SERPINE2: variants seen among roughly 807,000 people sequenced by gnomAD.
The protein encoded by SERPINE2 is serpin family E member 2.
In SERPINE2, 14 loss-of-function variants were observed where a neutral mutation model predicts 36.3. That is an observed-to-expected ratio of 0.39 (90% CI 0.25 to 0.60). The LOEUF (loss-of-function observed/expected upper bound fraction) is 0.60. SERPINE2 is among the 20% of genes least tolerant of loss of function. The pLI is 0.57. For missense variants in SERPINE2, 418 were observed against 499.6 expected (o/e 0.84, Z 1.56); for synonymous variants, 192 against 191.8 (o/e 1.00, Z -0.01).
chr2:224,005,067 A>ATATATTTTTATATT (rs1559209125), intron 1 of SERPINE2, among the ~76,000 whole-genome samples: 1 of 8,218 alleles, frequency 1.2e-4, no homozygotes. Context: ...TATATATATT[A>ATATATTTTTATATT]TATATATATA....
At chr2:224,009,246 C>T (rs1170535684) in intron 1 of SERPINE2, among the ~76,000 whole-genome samples, 2 of 152,144 alleles carry the variant, frequency 1.3e-5, no homozygotes, top group African/African-American at 2.4e-5. Context: ...GTCTCGCCAT[C>T]CTTCTAGTCT....
intron 2 of SERPINE2, among the ~76,000 whole-genome samples, 193 bp from the exon 3 acceptor site, chr2:223,998,535 T>C (rs566704592): frequency 3.3e-5 from 5 of 152,094 alleles, no homozygotes; most frequent in African/African-American, 4.8e-5. Flanking sequence ...CTGGGTAATA[T>C]GACAAAACCC....
chr2:223,983,100 A>T (rs951413031), intron 5 of SERPINE2, among the ~76,000 whole-genome samples: 2 of 152,190 alleles, frequency 1.3e-5, no homozygotes, highest in African/African-American at 4.8e-5. Context: ...GTGGAGGTTG[A>T]GTGTTAACAA....
At chr2:223,986,919 C>G (rs532681797) in intron 4 of SERPINE2, among the ~76,000 whole-genome samples, 1 of 152,142 alleles carries the variant, frequency 6.6e-6, no homozygotes, top group Non-Finnish European at 1.5e-5. Flanking sequence ...ATCAGACATA[C>G]GCATGCTTAC....
chr2:224,011,412 C>T (rs1413141876), intron 1 of SERPINE2, among the ~76,000 whole-genome samples: 3 of 152,124 alleles, frequency 2.0e-5, no homozygotes, highest in African/African-American at 7.2e-5. Flanking sequence ...ACCATGAATT[C>T]TTAAACATGT....
At chr2:223,993,532 G>GTGTGTC (rs1289570321) in intron 3 of SERPINE2, among the ~76,000 whole-genome samples, 1 of 13,108 alleles carries the variant, frequency 7.6e-5, no homozygotes, top group African/African-American at 1.9e-4. Flanking sequence ...TCAAATATAT[G>GTGTGTC]TGTGTGTGTG....
chr2:223,990,144 G>A (rs114612443), intron 4 of SERPINE2, among the ~76,000 whole-genome samples: 285 of 152,152 alleles, frequency 1.9e-3, no homozygotes, highest in African/African-American at 6.5e-3. Context: ...CCTTCCTATC[G>A]CCTGCAGACT....
intron 6 of SERPINE2, 27 bp from the exon 7 acceptor site, chr2:223,980,424 A>G: frequency 6.2e-7 from 1 of 1,601,244 alleles, no homozygotes; most frequent in Non-Finnish European, 8.6e-7. Context: ...AAACAGTATC[A>G]GCATTTGTTT....
At chr2:224,010,295 C>T (rs1015468249) in intron 1 of SERPINE2, 7 of 947,948 alleles carry the variant, frequency 7.4e-6, no homozygotes, top group Non-Finnish European at 8.8e-6. Context: ...CATTCTATGA[C>T]ACTAATTAAT....
chr2:224,024,858 T>A (rs1692131422), intron 1 of SERPINE2, among the ~76,000 whole-genome samples: 2 of 152,194 alleles, frequency 1.3e-5, no homozygotes, highest in South Asian at 4.1e-4. Context: ...TAACCTCTGG[T>A]ATAAGAAACT....
chr2:224,021,422 T>A (rs10177142), intron 1 of SERPINE2, among the ~76,000 whole-genome samples: 143,872 of 152,284 alleles, frequency 0.94, 68,312 homozygotes, highest in Non-Finnish European at 0.99. Flanking sequence ...AGTAGAAGCT[T>A]CAAAGATGAA....
intron 1 of SERPINE2, among the ~76,000 whole-genome samples, chr2:224,015,050 G>A (rs1253711817): frequency 6.6e-6 from 1 of 151,952 alleles, no homozygotes; most frequent in African/African-American, 2.4e-5. Flanking sequence ...GGTAGGTGGG[G>A]GCCAGGGAGG....
chr2:224,034,107 C>T (rs1373997888), intron 1 of SERPINE2, among the ~76,000 whole-genome samples: 1 of 152,148 alleles, frequency 6.6e-6, no homozygotes, highest in Non-Finnish European at 1.5e-5. Context: ...CTTTGGGCCA[C>T]ACACCACCGC....
At position 224,016,167 on chromosome 2, in the gene SERPINE2, T is replaced by C. The variant is rs558174042; in HGVS notation, c.-22-14245A>G. Reference sequence around the variant, plus strand: ...GCAGAGAAACTGGATCACTCACACATTGCTGGTGGGAATATAAAATGGCAC... The same window carrying C: ...GCAGAGAAACTGGATCACTCACACACTGCTGGTGGGAATATAAAATGGCAC... On this transcript the variant is annotated intron_variant, in intron 1 of 8. Coordinates refer to ENST00000409304, the MANE Select transcript of SERPINE2 (RefSeq NM_001136528.2). Among the ~76,000 whole-genome samples the C allele has an allele frequency of 5.9e-5, 9 of 152,346 alleles. No individual in the cohort carries two copies. The East Asian group carries it at 1.7e-3, about 29-fold the overall frequency.
intron 1 of SERPINE2, among the ~76,000 whole-genome samples, chr2:224,002,345 T>C (rs1175682678): frequency 1.3e-5 from 2 of 152,170 alleles, no homozygotes; most frequent in South Asian, 2.1e-4. Flanking sequence ...CATGTGAATA[T>C]ATTTAAGACA....
intron 2 of SERPINE2, among the ~76,000 whole-genome samples, chr2:224,000,001 C>T (rs1691048287): frequency 6.6e-6 from 1 of 152,204 alleles, no homozygotes; most frequent in Non-Finnish European, 1.5e-5. Flanking sequence ...TGTAATGCTG[C>T]ATCAACAGAG....
intron 1 of SERPINE2, among the ~76,000 whole-genome samples, chr2:224,009,344 G>A (rs1234184821): frequency 6.6e-6 from 1 of 152,158 alleles, no homozygotes; most frequent in Non-Finnish European, 1.5e-5. Context: ...CAGCAGGTAT[G>A]TTTTGTCCGA....
At chr2:224,000,496 G>GCT (rs1030229126) in intron 2 of SERPINE2, among the ~76,000 whole-genome samples, 5 of 151,656 alleles carry the variant, frequency 3.3e-5, no homozygotes, top group South Asian at 2.1e-4. Context: ...TTTTTAGCTC[G>GCT]CTCTCTCTCT....
chr2:223,990,788 G>A (rs1690631108), intron 4 of SERPINE2, among the ~76,000 whole-genome samples: 1 of 152,010 alleles, frequency 6.6e-6, no homozygotes, highest in African/African-American at 2.4e-5. Flanking sequence ...GACTAGCCTG[G>A]GCAACGTGGC....
Sources: allele counts gnomAD v4.1 joint callset (sites outside exome capture counted in the v4.1 genomes callset), GRCh38; gene constraint gnomAD v4.1.1; transcripts MANE v1.5; gene names NCBI Gene and HGNC (gene_info 2026-07-23, HGNC 2026-07-21).